The following NWD1 variants were observed in gnomAD, a reference collection of about 807,000 sequenced individuals.
NWD1 encodes the protein NACHT and WD repeat domain containing 1, also known as NACHT domain- and WD repeat-containing protein 1.
Under a neutral mutation model 135.1 loss-of-function variants are expected in NWD1, and 129 were observed. The ratio of observed to expected loss-of-function variants is 0.96; its 90% CI spans 0.83 to 1.11. The LOEUF is 1.11. Ranked by LOEUF, NWD1 falls within the 50% of genes least tolerant of loss-of-function variation. The probability of loss-of-function intolerance (pLI) is 0.00; values close to 1 mark genes in which losing one functional copy is unlikely to be tolerated. For synonymous variants in NWD1, 773 were observed against 786.0 expected, an observed-to-expected ratio of 0.98 and a Z score of 0.28; for missense variants, 1,740 against 1,851.3, an observed-to-expected ratio of 0.94 and a Z score of 1.10.
At chr19:16,721,095 C>T (rs554240091) in intron 1 of NWD1, among the ~76,000 whole-genome samples, 2 of 152,196 alleles carry the variant, frequency 1.3e-5, no homozygotes, top group East Asian at 1.9e-4. Context: ...AGTAATCTGC[C>T]TGTTTTGGCC....
At chr19:16,758,434 G>C (rs1056230347) in intron 6 of NWD1, among the ~76,000 whole-genome samples, 1 of 152,040 alleles carries the variant, frequency 6.6e-6, no homozygotes, top group Non-Finnish European at 1.5e-5. Context: ...GTGCCCCTAT[G>C]CCCAGCTAAT....
chr19:16,778,496 T>TCTTCTTC (rs1555727644), intron 11 of NWD1, among the ~76,000 whole-genome samples: 10 of 18,572 alleles, frequency 5.4e-4, no homozygotes, highest in Admixed American at 1.0e-3. Flanking sequence ...TTCTTCTTCT[T>TCTTCTTC]TTTTTTTTTT....
intron 9 of NWD1, 83 bp downstream of exon 9, chr19:16,764,028 G>T: frequency 1.2e-6 from 1 of 839,124 alleles, no homozygotes; most frequent in East Asian, 2.5e-5. Flanking sequence ...GAGGGTGAAG[G>T]GCAAACATGG....
intron 3 of NWD1, among the ~76,000 whole-genome samples, chr19:16,733,792 C>T (rs34655556): frequency 0.028 from 3,664 of 128,726 alleles, 140 homozygotes; most frequent in African/African-American, 0.12. Flanking sequence ...ACACGCACAT[C>T]GGGAGACGGC....
chr19:16,741,377 T>C (rs1968074672), intron 4 of NWD1, among the ~76,000 whole-genome samples: 1 of 149,732 alleles, frequency 6.7e-6, no homozygotes, highest in Non-Finnish European at 1.5e-5. Context: ...TGTTTTTTTT[T>C]TTTTTTTTGA....
chr19:16,795,323 A>G (rs933618954), intron 15 of NWD1, among the ~76,000 whole-genome samples: 1 of 152,042 alleles, frequency 6.6e-6, no homozygotes, highest in Non-Finnish European at 1.5e-5. Flanking sequence ...TGCAGGGCCC[A>G]TGGGCAGACC....
At chr19:16,794,361 A>G (rs1281522591) in intron 14 of NWD1, 102 bp from the exon 15 acceptor site, 1 of 653,580 alleles carries the variant, frequency 1.5e-6, no homozygotes, top group Non-Finnish European at 2.7e-6. Context: ...GTGAGACTCC[A>G]TCTCAAAAAC....
chr19:16,772,495 A>G (rs1969450386), intron 10 of NWD1, among the ~76,000 whole-genome samples: 1 of 151,976 alleles, frequency 6.6e-6, no homozygotes, highest in African/African-American at 2.4e-5. Flanking sequence ...GACACACAAA[A>G]ATTAGTTGGG....
chr19:16,749,115 T>G (rs1399208363), intron 5 of NWD1, 24 bp from the exon 6 acceptor site: 1 of 1,563,036 alleles, frequency 6.4e-7, no homozygotes, highest in Non-Finnish European at 8.7e-7. Flanking sequence ...CCACACTTCC[T>G]TCCCACCTTC....
At chr19:16,741,901 A>G (rs955427301) in intron 4 of NWD1, among the ~76,000 whole-genome samples, 1 of 151,758 alleles carries the variant, frequency 6.6e-6, no homozygotes, top group African/African-American at 2.4e-5. Context: ...ATTTGAGGTC[A>G]GGAGTTTGAG....
At chr19:16,728,281 C>CTTTTTT (rs397859118) in intron 2 of NWD1, among the ~76,000 whole-genome samples, 3 of 119,908 alleles carry the variant, frequency 2.5e-5, no homozygotes, top group African/African-American at 3.2e-5. Context: ...GGTCACTGCT[C>CTTTTTT]TTTTTTTTTT....
chr19:16,783,666 TAAAA>T (rs1291959213), intron 12 of NWD1, among the ~76,000 whole-genome samples: 1 of 146,906 alleles, frequency 6.8e-6, no homozygotes, highest in African/African-American at 2.5e-5. Flanking sequence ...AATAAATAAA[TAAAA>T]TAAAAATAAA....
At chr19:16,753,415 A>T (rs115374796) in intron 6 of NWD1, among the ~76,000 whole-genome samples, 57 of 152,266 alleles carry the variant, frequency 3.7e-4, no homozygotes, top group African/African-American at 1.3e-3. Flanking sequence ...GATAAGGTGG[A>T]TGATTTTGGT....
intron 12 of NWD1, 147 bp from the exon 13 acceptor site, chr19:16,788,835 A>G (rs1970145077): frequency 4.4e-6 from 3 of 678,712 alleles, no homozygotes; most frequent in African/African-American, 3.6e-5. Flanking sequence ...TATTGACTCC[A>G]TTTTTATTCT....
At position 16,791,390 on chromosome 19, in the gene NWD1, A is replaced by T. The variant is rs777116424; in HGVS notation, c.2981A>T (p.His994Leu). The part of the protein sequence containing the change: ...WNLETAEPVF[H>L]ILGDASDPWM... ...CTGGAAACTGCAGAGCCGGTATTCCATATCCTGGGAGATGCCTCTGATCCT... is the reference window on the plus strand; with the variant it reads ...CTGGAAACTGCAGAGCCGGTATTCCTTATCCTGGGAGATGCCTCTGATCCT... The change falls in exon 14 of 19, where the codon CAT becomes CTT. Residue 994 changes from histidine (H) to leucine (L), a missense_variant. Coordinates refer to ENST00000524140, the MANE Select transcript of NWD1 (RefSeq NM_001007525.5). The T allele has an allele frequency of 6.2e-7, 1 of 1,614,120 alleles. No homozygotes were observed. The highest frequency in any genetic ancestry group is 1.7e-5 in the Admixed American group (1 of 60,008).
rs981105022 is a variant in NWD1 at position 16,816,307 on chromosome 19, T to A, written c.*1268T>A. On this transcript the variant is annotated 3_prime_UTR_variant, in exon 19 of 19. Transcript: ENST00000524140. ...AGAAATCCAGACTTTTATGCAAAAA[T>A]GTTCTGACTTTTAAAGTTGGCGATT... is the stretch of plus-strand genomic sequence containing the variant. 8 of 152,174 alleles carry A rather than the reference T, an allele frequency of 5.3e-5. No homozygotes were observed. In the East Asian group the frequency reaches 1.5e-3, roughly 29 times the overall value. The allele number at this position is 152,174 out of a possible 1,614,324, so 9.4% of individuals were successfully genotyped here. A position where few individuals can be genotyped will look rare whatever the true frequency, so the allele number is the denominator to read the frequency against.
At chr19:16,799,089 T>C (rs1262297466) in intron 16 of NWD1, among the ~76,000 whole-genome samples, 1 of 152,188 alleles carries the variant, frequency 6.6e-6, no homozygotes, top group Non-Finnish European at 1.5e-5. Flanking sequence ...GGTTCAAGCC[T>C]GAGTAAGTTA....
At chr19:16,728,550 G>C (rs1398437032) in intron 2 of NWD1, among the ~76,000 whole-genome samples, 1 of 151,940 alleles carries the variant, frequency 6.6e-6, no homozygotes, top group African/African-American at 2.4e-5. Flanking sequence ...CTCCCAAAGT[G>C]CTGGGATTAC....
At chr19:16,779,591 A>G (rs563670521) in intron 12 of NWD1, 126 bp downstream of exon 12, 8 of 837,206 alleles carry the variant, frequency 9.6e-6, no homozygotes, top group Admixed American at 2.2e-5. Context: ...TCACTTAGCT[A>G]TAGTTGCATA....
Sources: gnomAD v4.1 joint callset for allele counts (sites outside exome capture counted in the v4.1 genomes callset) on GRCh38, gnomAD v4.1.1 for gene constraint, MANE v1.5 for transcripts, NCBI Gene and HGNC (gene_info 2026-07-23, HGNC 2026-07-21) for gene names.